Variants in FGGY observed in about 807,000 individuals in gnomAD.
FGGY encodes the protein FGGY carbohydrate kinase domain containing.
In FGGY, 72 loss-of-function variants were observed where a neutral mutation model predicts 71.3. The ratio of observed to expected loss-of-function variants is 1.01; its 90% confidence interval spans 0.84 to 1.23. The LOEUF is 1.23. Among genes scored for constraint, FGGY ranks in the 50% most tolerant of loss-of-function variants. The pLI is 0.00. For synonymous variants in FGGY, 251 were observed against 250.3 expected, an observed-to-expected ratio of 1.00 and a Z score of -0.02; for missense variants, 668 against 682.3, an observed-to-expected ratio of 0.98 and a Z score of 0.23.
chr1:59,669,286 C>T (rs1365573327), intron 13 of FGGY, among the ~76,000 whole-genome samples: 1 of 152,150 alleles, frequency 6.6e-6, no homozygotes, highest in East Asian at 1.9e-4. Context: ...TTGTACTGTA[C>T]TGCTGACCCA....
At chr1:59,321,309 AG>A (rs1382020850) in intron 1 of FGGY, among the ~76,000 whole-genome samples, 1 of 152,210 alleles carries the variant, frequency 6.6e-6, no homozygotes, top group Non-Finnish European at 1.5e-5. Flanking sequence ...CTCTCTCTCA[AG>A]AGTGGAAATG....
chr1:59,456,606 G>A lies in FGGY; in HGVS notation c.555-355G>A, dbSNP rs569362762. Among the ~76,000 whole-genome samples the A allele has an allele frequency of 1.5e-3, 226 of 152,052 alleles. 1 individual carries two copies. In the Middle Eastern group the frequency reaches 0.02, roughly 14 times the overall value. On this transcript the variant is annotated intron_variant, in intron 5 of 15. Transcript: ENST00000303721. ...TGGGACTAGAGGCATCCACCACCAAGCCTGGCTAATTTTGTATTTTTAGTA... is the reference window on the plus strand; with the variant it reads ...TGGGACTAGAGGCATCCACCACCAAACCTGGCTAATTTTGTATTTTTAGTA...
chr1:59,467,218 G>A (rs150535412), intron 6 of FGGY, among the ~76,000 whole-genome samples: 4,357 of 152,120 alleles, frequency 0.029, 200 homozygotes, highest in African/African-American at 0.1. Context: ...GGATGAAGCT[G>A]GAAACCATCA....
At chr1:59,636,580 G>A (rs761713237) in intron 10 of FGGY, among the ~76,000 whole-genome samples, 6 of 152,028 alleles carry the variant, frequency 3.9e-5, no homozygotes, top group Non-Finnish European at 8.8e-5. Context: ...CCGAGATCGC[G>A]TCACTGCACT....
At chr1:59,472,306 C>G (rs2092992323) in intron 6 of FGGY, among the ~76,000 whole-genome samples, 2 of 152,236 alleles carry the variant, frequency 1.3e-5, no homozygotes, top group Admixed American at 6.5e-5. Context: ...CTCGAGGGGC[C>G]TTAGCTGCCT....
At chr1:59,553,523 C>G (rs924406248) in intron 7 of FGGY, among the ~76,000 whole-genome samples, 2 of 152,190 alleles carry the variant, frequency 1.3e-5, no homozygotes, top group East Asian at 3.8e-4. Flanking sequence ...GGAACTCGCT[C>G]TCAGTCATTC....
intron 6 of FGGY, among the ~76,000 whole-genome samples, chr1:59,504,685 G>A (rs1185547413): frequency 6.6e-6 from 1 of 152,140 alleles, no homozygotes; most frequent in Non-Finnish European, 1.5e-5. Flanking sequence ...ATAAGATAGA[G>A]AGATGAAAGT....
chr1:59,627,193 C>T (rs962564490), intron 10 of FGGY, among the ~76,000 whole-genome samples: 4 of 151,638 alleles, frequency 2.6e-5, no homozygotes, highest in African/African-American at 9.7e-5. Context: ...AAGAAAAGAA[C>T]CTAAGTAAAT....
At chr1:59,346,187 C>T (rs1452727890) in intron 3 of FGGY, 60 bp from the exon 4 acceptor site, 2 of 1,588,866 alleles carry the variant, frequency 1.3e-6, no homozygotes, top group Non-Finnish European at 1.7e-6. Flanking sequence ...CATAATTGTT[C>T]CCTTGAATTA....
chr1:59,678,964 C>G (rs909320228), intron 14 of FGGY, among the ~76,000 whole-genome samples: 1 of 152,318 alleles, frequency 6.6e-6, no homozygotes, highest in African/African-American at 2.4e-5. Flanking sequence ...ACCACTGACT[C>G]CATGCACTCT....
chr1:59,453,001 G>T (rs1004005602), intron 5 of FGGY, among the ~76,000 whole-genome samples: 1 of 152,194 alleles, frequency 6.6e-6, no homozygotes. Context: ...GAAGACTCCC[G>T]GAGGGGTAAG....
intron 9 of FGGY, among the ~76,000 whole-genome samples, chr1:59,620,631 T>G (rs1014906942): frequency 6.6e-6 from 1 of 152,108 alleles, no homozygotes; most frequent in Non-Finnish European, 1.5e-5. Flanking sequence ...TTTTAAGAAT[T>G]CAATTTTAAG....
intron 11 of FGGY, among the ~76,000 whole-genome samples, chr1:59,649,087 C>T (rs1204650505): frequency 6.6e-6 from 1 of 151,962 alleles, no homozygotes; most frequent in East Asian, 1.9e-4. Context: ...TCTGAGGGCT[C>T]TGTTCTGTTC....
At chr1:59,660,713 G>C (rs1287709523) in intron 12 of FGGY, among the ~76,000 whole-genome samples, 1 of 152,204 alleles carries the variant, frequency 6.6e-6, no homozygotes, top group East Asian at 1.9e-4. Flanking sequence ...CTTAGAACAT[G>C]AAAGTGTTTG....
intron 5 of FGGY, among the ~76,000 whole-genome samples, chr1:59,443,941 C>T (rs1044024406): frequency 6.6e-6 from 1 of 152,050 alleles, no homozygotes; most frequent in Non-Finnish European, 1.5e-5. Flanking sequence ...GAGAGTGGTC[C>T]AATAATGAGT....
chr1:59,454,401 T>G (rs1428377467), intron 5 of FGGY, among the ~76,000 whole-genome samples: 2 of 152,250 alleles, frequency 1.3e-5, no homozygotes, highest in Non-Finnish European at 2.9e-5. Context: ...ATAGGTGGGC[T>G]GCCTTCTCCA....
intron 7 of FGGY, among the ~76,000 whole-genome samples, chr1:59,531,560 C>T (rs1230392976): frequency 6.6e-6 from 1 of 152,124 alleles, no homozygotes; most frequent in Non-Finnish European, 1.5e-5. Flanking sequence ...ACATTTCCAC[C>T]CTTTTATACG....
chr1:59,611,640 C>G (rs1169370838), intron 9 of FGGY, among the ~76,000 whole-genome samples: 1 of 152,212 alleles, frequency 6.6e-6, no homozygotes, highest in African/African-American at 2.4e-5. Context: ...CGGAACAAAG[C>G]TGGACGGAGT....
At chr1:59,296,533 C>G (rs1160038525), upstream of FGGY, 1 of 152,458 alleles carries the variant, frequency 6.6e-6, no homozygotes. Flanking sequence ...GCGCTCCTCC[C>G]GCCTTGCCCA....
Sources: gnomAD v4.1 joint callset for allele counts (sites outside exome capture counted in the v4.1 genomes callset) on GRCh38, gnomAD v4.1.1 for gene constraint, MANE v1.5 for transcripts, NCBI Gene and HGNC (gene_info 2026-07-23, HGNC 2026-07-21) for gene names.